Variants in PIGU observed in about 807,000 individuals in gnomAD.
PIGU encodes GPI-anchor transamidase component PIGU.
A neutral mutation model predicts 49.9 loss-of-function variants in PIGU; 24 were observed. That is an observed-to-expected ratio of 0.48 (90% CI 0.35 to 0.68). The LOEUF is 0.68. Ranked by LOEUF, PIGU falls within the 30% of genes least tolerant of loss-of-function variation. The pLI is 0.01. For missense variants in PIGU, 490 were observed against 532.6 expected, an observed-to-expected ratio of 0.92 and a Z score of 0.79; for synonymous variants, 220 against 205.7, an observed-to-expected ratio of 1.07 and a Z score of -0.59.
chr20:34,627,503 A>G (rs1010513935), intron 6 of PIGU, among the ~76,000 whole-genome samples: 5 of 152,192 alleles, frequency 3.3e-5, no homozygotes, highest in South Asian at 2.1e-4. Context: ...AGAGATACAT[A>G]TAACTTACTT....
intron 7 of PIGU, among the ~76,000 whole-genome samples, chr20:34,610,524 G>A (rs137991469): frequency 0.016 from 2,492 of 152,138 alleles, 85 homozygotes; most frequent in African/African-American, 0.058. Flanking sequence ...CTTCAAGGAG[G>A]ACTGCAAACC....
chr20:34,663,992 A>T (rs1056077566), intron 1 of PIGU, among the ~76,000 whole-genome samples: 1 of 152,160 alleles, frequency 6.6e-6, no homozygotes, highest in Non-Finnish European at 1.5e-5. Flanking sequence ...TTCATCTCAG[A>T]TATGCTTTTG....
intron 1 of PIGU, among the ~76,000 whole-genome samples, chr20:34,663,719 T>C (rs1568665284): frequency 6.6e-6 from 1 of 152,210 alleles, no homozygotes; most frequent in African/African-American, 2.4e-5. Context: ...AAGAGGTTGC[T>C]GCGTAATAGC....
chr20:34,560,802 G>T lies in PIGU; in HGVS notation c.*64C>A. On this transcript the variant is annotated 3_prime_UTR_variant, in exon 12 of 12. Transcript: ENST00000217446. The stretch of plus-strand genomic sequence containing the variant: ...TCGCCTGCTGGCAACTCTGGCTGGA[G>T]GGCTTGGCCCAGCTTCTGGCCCCAC... 1 of 1,250,662 alleles carries T rather than the reference G, an allele frequency of 8.0e-7. No homozygotes were observed. The highest frequency in any genetic ancestry group is 1.1e-6 in the Non-Finnish European group (1 of 918,294). The allele number at this position is 1,250,662 out of a possible 1,614,324, so 77.5% of individuals were successfully genotyped here. A position where few individuals can be genotyped will look rare whatever the true frequency, so the allele number is the denominator to read the frequency against.
rs180902017 is a variant in PIGU at position 34,634,761 on chromosome 20, A to G, written c.429-46T>C. 10 of 1,595,422 alleles carry G rather than the reference A, an allele frequency of 6.3e-6. No individual in the cohort carries two copies. The East Asian group carries it at 1.4e-4, about 22-fold the overall frequency. On this transcript the variant is annotated intron_variant, in intron 5 of 11. Transcript: ENST00000217446. ...TTGGCATTAGTAATCCTGACCAAGG[A>G]GCCCTCGCCATTACAGCAAGGAAGT... is the stretch of plus-strand genomic sequence containing the variant.
intron 1 of PIGU, among the ~76,000 whole-genome samples, chr20:34,673,178 C>A (rs538761100): frequency 2.8e-5 from 4 of 145,084 alleles, no homozygotes; most frequent in African/African-American, 1.0e-4. Context: ...GGCGTAAACC[C>A]GGGAGGCGGA....
At chr20:34,568,529 G>A (rs1235088165) in intron 11 of PIGU, among the ~76,000 whole-genome samples, 1 of 152,126 alleles carries the variant, frequency 6.6e-6, no homozygotes, top group Non-Finnish European at 1.5e-5. Context: ...AACCTGAAAT[G>A]GGTCTCGAGC....
chr20:34,626,104 A>G (rs1600639703), intron 6 of PIGU, among the ~76,000 whole-genome samples: 1 of 151,768 alleles, frequency 6.6e-6, no homozygotes, highest in East Asian at 1.9e-4. Flanking sequence ...ACTCCTCTCT[A>G]AAGTATTTTC....
intron 1 of PIGU, 152 bp downstream of exon 1, chr20:34,676,804 C>T (rs1188177123): frequency 1.8e-6 from 2 of 1,102,090 alleles, no homozygotes; most frequent in Non-Finnish European, 2.6e-6. Context: ...ACCAGCCCCG[C>T]CCTCAGGCCC....
intron 7 of PIGU, among the ~76,000 whole-genome samples, chr20:34,592,580 G>GA (rs1224072783): frequency 6.6e-6 from 1 of 151,992 alleles, no homozygotes; most frequent in East Asian, 1.9e-4. Flanking sequence ...AACATTCTAT[G>GA]AAAAATATAA....
chr20:34,609,324 T>C (rs1201565459), intron 7 of PIGU, among the ~76,000 whole-genome samples: 1 of 151,950 alleles, frequency 6.6e-6, no homozygotes, highest in African/African-American at 2.4e-5. Flanking sequence ...AAAAAGAATA[T>C]TTCCTCTTCT....
intron 6 of PIGU, among the ~76,000 whole-genome samples, chr20:34,626,810 A>G (rs933539341): frequency 6.6e-6 from 1 of 152,094 alleles, no homozygotes; most frequent in Non-Finnish European, 1.5e-5. Context: ...ATTATCCATG[A>G]GTTGAATATT....
intron 6 of PIGU, among the ~76,000 whole-genome samples, chr20:34,630,053 G>C (rs1050934899): frequency 6.6e-6 from 1 of 152,112 alleles, no homozygotes; most frequent in Admixed American, 6.5e-5. Context: ...GAGAAATTCA[G>C]CACTAGAGTG....
At chr20:34,657,295 C>A (rs1286899513) in intron 1 of PIGU, 51 bp from the exon 2 acceptor site, 6 of 1,426,720 alleles carry the variant, frequency 4.2e-6, no homozygotes, top group Non-Finnish European at 5.9e-6. Flanking sequence ...CAGCTACAGA[C>A]CAAATTGTTA....
At chr20:34,636,077 T>C (rs1424443414) in intron 5 of PIGU, among the ~76,000 whole-genome samples, 1 of 151,252 alleles carries the variant, frequency 6.6e-6, no homozygotes, top group East Asian at 1.9e-4. Flanking sequence ...AGTACACACC[T>C]GTAGTCCCAG....
In PIGU at chr20:34,657,162, G is replaced by T. The variant is rs1172482181; in HGVS notation, c.195+18C>A. ...TAAACTACTCTTGGTACCCAGAAAA[G>T]AAAATAAGAACACTTACTTCATGAA... On this transcript the variant is annotated intron_variant, in intron 2 of 11. Transcript: ENST00000217446. 4 of 1,591,200 alleles carry T rather than the reference G, an allele frequency of 2.5e-6. No individual in the cohort carries two copies. The African/African-American group carries it at 5.4e-5, about 21-fold the overall frequency.
chr20:34,596,047 CA>C (rs1164193884), intron 7 of PIGU, among the ~76,000 whole-genome samples: 3 of 152,062 alleles, frequency 2.0e-5, no homozygotes, highest in African/African-American at 7.2e-5. Context: ...CAAAACAAAA[CA>C]AAAAAAGTTA....
At chr20:34,586,336 G>A (rs765656997) in intron 8 of PIGU, among the ~76,000 whole-genome samples, 4 of 151,534 alleles carry the variant, frequency 2.6e-5, no homozygotes, top group African/African-American at 4.9e-5. Flanking sequence ...TGAGGCCTCC[G>A]CCCAGGTTAA....
rs368860915 is a variant in PIGU, at chr20:34,560,878, G to C, written c.1296C>G (p.Leu432=). 1 of 1,606,986 alleles carries C rather than the reference G, an allele frequency of 6.2e-7. No individual in the cohort carries two copies. Among genetic ancestry groups the C allele is most frequent in the Non-Finnish European group, 8.5e-7 (1 of 1,175,308 alleles). ...LTAKDGTEAM[L]VLK is the part of the protein sequence containing the mutation. Reference sequence around the variant, plus strand: ...GTGCCAGCCAGGCCTACTTGAGCACGAGCATGGCCTCTGTGCCATCCTTGG... The same window carrying C: ...GTGCCAGCCAGGCCTACTTGAGCACCAGCATGGCCTCTGTGCCATCCTTGG... The change falls in exon 12 of 12, where the codon CTC becomes CTG. Residue 432 remains leucine (L), a synonymous_variant. Coordinates refer to ENST00000217446, the MANE Select transcript of PIGU (RefSeq NM_080476.5).
Sources: gnomAD v4.1 joint callset for allele counts (sites outside exome capture counted in the v4.1 genomes callset) on GRCh38, gnomAD v4.1.1 for gene constraint, MANE v1.5 for transcripts, NCBI Gene and HGNC (gene_info 2026-07-23, HGNC 2026-07-21) for gene names.